NRG3: variants seen among roughly 807,000 people sequenced by gnomAD.
NRG3 encodes neuregulin 3.
NRG3 carries 31 observed loss-of-function variants against 66.9 expected under a neutral mutation model. That is an observed-to-expected ratio of 0.46 (90% CI 0.35 to 0.63). NRG3 has a LOEUF of 0.63. Among genes scored for constraint, NRG3 ranks in the 20% least tolerant of loss-of-function variants. The pLI, the probability that NRG3 is intolerant of heterozygous loss-of-function variation, is 0.00. For synonymous variants in NRG3, 393 were observed against 359.4 expected (o/e 1.09, Z -1.06); for missense variants, 910 against 878.9 (o/e 1.04, Z -0.45).
intron 1 of NRG3, among the ~76,000 whole-genome samples, chr10:81,978,955 C>A (rs2060226780): frequency 6.6e-6 from 1 of 152,040 alleles, no homozygotes; most frequent in African/African-American, 2.4e-5. Context: ...CTTTGGGAGG[C>A]CGAGGTGGGC....
intron 4 of NRG3, among the ~76,000 whole-genome samples, chr10:82,935,433 G>A (rs1847969715): frequency 1.3e-5 from 2 of 152,118 alleles, no homozygotes; most frequent in South Asian, 4.1e-4. Context: ...TTAGGCAATA[G>A]TAGAAATAAA....
intron 2 of NRG3, among the ~76,000 whole-genome samples, chr10:82,493,572 A>G (rs1391908614): frequency 2.0e-5 from 3 of 152,124 alleles, no homozygotes; most frequent in Middle Eastern, 3.2e-3. Flanking sequence ...GCTGTTGTGA[A>G]TAGTGCTGCA....
At chr10:82,616,227 T>C (rs2133558790) in intron 2 of NRG3, among the ~76,000 whole-genome samples, 1 of 152,364 alleles carries the variant, frequency 6.6e-6, no homozygotes, top group African/African-American at 2.4e-5. Context: ...TGTTATGTCC[T>C]ATCACTTGGA....
chr10:82,274,533 A>G (rs1337775106), intron 1 of NRG3, among the ~76,000 whole-genome samples: 1 of 152,040 alleles, frequency 6.6e-6, no homozygotes, highest in Admixed American at 6.6e-5. Flanking sequence ...TTTATGAACA[A>G]TAATATGAAT....
chr10:81,984,317 C>G (rs1044651620), intron 1 of NRG3, among the ~76,000 whole-genome samples: 1 of 152,204 alleles, frequency 6.6e-6, no homozygotes, highest in Non-Finnish European at 1.5e-5. Flanking sequence ...AATCATTTAT[C>G]TACATTCTTC....
At chr10:82,524,552 AT>A (rs1846502791) in intron 2 of NRG3, among the ~76,000 whole-genome samples, 1 of 151,792 alleles carries the variant, frequency 6.6e-6, no homozygotes, top group Non-Finnish European at 1.5e-5. Context: ...TTAACTCATA[AT>A]TTTTCATTTA....
At chr10:82,439,504 ATTT>A (rs1484747195) in intron 2 of NRG3, among the ~76,000 whole-genome samples, 1 of 151,978 alleles carries the variant, frequency 6.6e-6, no homozygotes, top group Non-Finnish European at 1.5e-5. Context: ...TTACCTTAGG[ATTT>A]TTTAACTCTT....
chr10:82,618,544 A>G (rs1180553522), intron 2 of NRG3, among the ~76,000 whole-genome samples: 1 of 152,192 alleles, frequency 6.6e-6, no homozygotes, highest in African/African-American at 2.4e-5. Context: ...ATAGGGTGAT[A>G]TTTCATTAAG....
chr10:82,580,588 A>AT (rs1411312051), intron 2 of NRG3, among the ~76,000 whole-genome samples: 2 of 151,840 alleles, frequency 1.3e-5, no homozygotes, highest in South Asian at 2.1e-4. Context: ...AACTACTGAT[A>AT]TTTTTTACTG....
intron 1 of NRG3, among the ~76,000 whole-genome samples, chr10:82,019,422 G>A (rs187803134): frequency 6.6e-6 from 1 of 152,076 alleles, no homozygotes; most frequent in Non-Finnish European, 1.5e-5. Context: ...TCTCTGCCAG[G>A]CTTTGGTATC....
intron 1 of NRG3, among the ~76,000 whole-genome samples, chr10:82,035,213 G>C (rs78095064): frequency 6.6e-6 from 1 of 152,134 alleles, no homozygotes; most frequent in African/African-American, 2.4e-5. Flanking sequence ...GCATTAACCT[G>C]CTCCATCACC....
chr10:82,729,046 G>C (rs2057760415), intron 2 of NRG3, among the ~76,000 whole-genome samples: 1 of 152,072 alleles, frequency 6.6e-6, no homozygotes, highest in South Asian at 2.1e-4. Flanking sequence ...TCAAGATTCA[G>C]TAACCCCATT....
At chr10:82,830,281 T>G (rs1035644421) in intron 3 of NRG3, among the ~76,000 whole-genome samples, 1 of 152,196 alleles carries the variant, frequency 6.6e-6, no homozygotes, top group Non-Finnish European at 1.5e-5. Context: ...TCCCTGAATA[T>G]CCAATGGACC....
intron 1 of NRG3, among the ~76,000 whole-genome samples, chr10:81,905,537 G>C (rs1844519904): frequency 6.6e-6 from 1 of 151,704 alleles, no homozygotes; most frequent in Admixed American, 6.6e-5. Flanking sequence ...CGTTTATATA[G>C]CCAAAGCAGG....
At chr10:82,081,611 T>G (rs2065399839) in intron 1 of NRG3, among the ~76,000 whole-genome samples, 1 of 152,198 alleles carries the variant, frequency 6.6e-6, no homozygotes, top group African/African-American at 2.4e-5. Context: ...TTGCCTCAGA[T>G]TTGGGATTTT....
intron 1 of NRG3, among the ~76,000 whole-genome samples, chr10:82,212,840 A>C (rs763046736): frequency 2.6e-5 from 4 of 152,236 alleles, no homozygotes; most frequent in Non-Finnish European, 4.4e-5. Flanking sequence ...ATTATGAAAC[A>C]TACGTAAGTA....
In NRG3 at chr10:81,967,087, C is replaced by A. The variant is rs529617254; in HGVS notation, c.823+90924C>A. Reference sequence around the variant, plus strand: ...TTTATTTTTTACTAATTATTTATAACTTTATGTTTTGATATATTTATATTT... The same window carrying A: ...TTTATTTTTTACTAATTATTTATAAATTTATGTTTTGATATATTTATATTT... On this transcript the variant is annotated intron_variant, in intron 1 of 8. Transcript: ENST00000372141. 3.2e-4 allele frequency among the ~76,000 whole-genome samples: 48 copies of A among 151,564 alleles called. 1 individual carries two copies. The highest frequency in any genetic ancestry group is 2.8e-3 in the Admixed American group (42 of 15,230).
chr10:82,437,645 C>A (rs2090212355), intron 2 of NRG3, among the ~76,000 whole-genome samples: 1 of 152,084 alleles, frequency 6.6e-6, no homozygotes. Flanking sequence ...GGCATTTATA[C>A]ATTGATTCTT....
At chr10:82,429,258 T>C (rs1349514912) in intron 2 of NRG3, among the ~76,000 whole-genome samples, 2 of 152,064 alleles carry the variant, frequency 1.3e-5, no homozygotes, top group Non-Finnish European at 2.9e-5. Flanking sequence ...CAAGTATATT[T>C]ATATTATCTG....
Sources: allele counts gnomAD v4.1 joint callset (sites outside exome capture counted in the v4.1 genomes callset), GRCh38; gene constraint gnomAD v4.1.1; transcripts MANE v1.5; gene names NCBI Gene and HGNC (gene_info 2026-07-23, HGNC 2026-07-21).